Variants in NAA16 observed in about 807,000 individuals in gnomAD.
The protein encoded by NAA16 is NARG1-like protein.
A neutral mutation model predicts 110.3 loss-of-function variants in NAA16; 97 were observed. The observed-to-expected ratio is 0.88, with a 90% CI of 0.75 to 1.04. The LOEUF (loss-of-function observed/expected upper bound fraction) is 1.04. Among genes scored for constraint, NAA16 ranks in the 50% least tolerant of loss-of-function variants. The pLI is 0.00. For missense variants in NAA16, 1,017 were observed against 1,005.1 expected (o/e 1.01, Z -0.16); for synonymous variants, 372 against 330.6 (o/e 1.13, Z -1.36).
At chr13:41,311,821 G>A (rs903357195) in intron 1 of NAA16, among the ~76,000 whole-genome samples, 2 of 152,178 alleles carry the variant, frequency 1.3e-5, no homozygotes, top group Non-Finnish European at 2.9e-5. Flanking sequence ...CACCCCCGCC[G>A]CGCTCTTTCC....
intron 13 of NAA16, 120 bp downstream of exon 13, chr13:41,362,279 C>A (rs561157686): frequency 2.8e-6 from 3 of 1,076,708 alleles, no homozygotes; most frequent in Admixed American, 3.1e-5. Context: ...GAAAAAAATT[C>A]TTGATCTTTA....
intron 5 of NAA16, among the ~76,000 whole-genome samples, chr13:41,323,545 G>T (rs1382243418): frequency 6.6e-6 from 1 of 151,448 alleles, no homozygotes; most frequent in African/African-American, 2.4e-5. Context: ...GTAGAGACAG[G>T]GTTTCACCGT....
chr13:41,371,602 T>G (rs1289901193), intron 15 of NAA16, among the ~76,000 whole-genome samples: 1 of 152,210 alleles, frequency 6.6e-6, no homozygotes, highest in Non-Finnish European at 1.5e-5. Flanking sequence ...TATTTTATTT[T>G]CTATAGCTTA....
chr13:41,319,395 A>G (rs2041888862), intron 3 of NAA16, among the ~76,000 whole-genome samples: 1 of 152,250 alleles, frequency 6.6e-6, no homozygotes, highest in African/African-American at 2.4e-5. Context: ...TTTACTTAAT[A>G]TATAAGTATG....
At chr13:41,356,180 C>G (rs934480156) in intron 10 of NAA16, among the ~76,000 whole-genome samples, 1 of 149,914 alleles carries the variant, frequency 6.7e-6, no homozygotes, top group Admixed American at 6.6e-5. Flanking sequence ...TGCATACGCG[C>G]GCACACGCGG....
chr13:41,333,553 C>A (rs536985901), intron 8 of NAA16, among the ~76,000 whole-genome samples: 2 of 152,200 alleles, frequency 1.3e-5, no homozygotes, highest in East Asian at 3.9e-4. Flanking sequence ...ACTTCTCCTC[C>A]TTTTATTGGT....
intron 4 of NAA16, among the ~76,000 whole-genome samples, chr13:41,322,791 C>G (rs1203465271): frequency 6.6e-6 from 1 of 151,780 alleles, no homozygotes; most frequent in East Asian, 1.9e-4. Context: ...AAAAAAAATT[C>G]TCATTATTTA....
intron 3 of NAA16, among the ~76,000 whole-genome samples, chr13:41,319,895 C>G (rs1189445304): frequency 1.4e-5 from 2 of 147,056 alleles, no homozygotes; most frequent in Non-Finnish European, 3.0e-5. Context: ...GTATGTTTAT[C>G]TGCATTTTTT....
Position 41,317,220 on chromosome 13 carries a change from A to G in NAA16, c.139+290A>G, listed in dbSNP as rs150159815. ...GACCTGATTTCCTTTATTACTTTGA[A>G]TAGAATTTAAAGTTTATACCTTGGT... On this transcript the variant is annotated intron_variant, in intron 2 of 19. Coordinates refer to ENST00000379406, the MANE Select transcript of NAA16 (RefSeq NM_024561.5). Among the ~76,000 whole-genome samples, 3 of 152,280 alleles carry G rather than the reference A, an allele frequency of 2.0e-5. No homozygotes were observed. The East Asian group carries it at 5.8e-4, about 29-fold the overall frequency.
At chr13:41,321,332 T>A (rs2041941859) in intron 4 of NAA16, among the ~76,000 whole-genome samples, 2 of 152,144 alleles carry the variant, frequency 1.3e-5, no homozygotes, top group Non-Finnish European at 2.9e-5. Flanking sequence ...TTTTAAAACA[T>A]TCTTAATTCA....
At chr13:41,343,171 C>T (rs560591606) in intron 9 of NAA16, among the ~76,000 whole-genome samples, 2 of 152,234 alleles carry the variant, frequency 1.3e-5, no homozygotes, top group East Asian at 3.9e-4. Flanking sequence ...ATGGCCCAAT[C>T]GTAGCTCACT....
At chr13:41,339,132 GTTTGT>G (rs763275104) in intron 9 of NAA16, among the ~76,000 whole-genome samples, 17 of 53,946 alleles carry the variant, frequency 3.2e-4, no homozygotes, top group African/African-American at 1.1e-3. Context: ...TGTTGTTGTT[GTTTGT>G]TTGTTTGTTT....
At chr13:41,363,143 C>T (rs1052691605) in intron 13 of NAA16, among the ~76,000 whole-genome samples, 26 of 151,932 alleles carry the variant, frequency 1.7e-4, no homozygotes, top group African/African-American at 5.8e-4. Context: ...AATATAAAGC[C>T]CTTGGGATGA....
At chr13:41,313,041 T>C (rs945526185) in intron 1 of NAA16, among the ~76,000 whole-genome samples, 1 of 152,144 alleles carries the variant, frequency 6.6e-6, no homozygotes, top group African/African-American at 2.4e-5. Flanking sequence ...TATAAATCGC[T>C]AGTTGGATTT....
At chr13:41,351,414 C>T (rs1222165389) in intron 9 of NAA16, among the ~76,000 whole-genome samples, 1 of 152,110 alleles carries the variant, frequency 6.6e-6, no homozygotes, top group Non-Finnish European at 1.5e-5. Context: ...ATATCAGAAC[C>T]TAATTCAGCA....
Position 41,373,628 on chromosome 13 carries a change from T to A in NAA16, c.2156-9T>A. 1 of 1,569,942 alleles carries A rather than the reference T, an allele frequency of 6.4e-7. No individual in the cohort carries two copies. The highest frequency in any genetic ancestry group is 1.2e-5 in the South Asian group (1 of 83,366). Reference sequence around the variant, plus strand: ...AAAACAAAAAATCCAAATGTTTTTGTTTTTATAGTGTCTAATCATAGTAAT... The same window carrying A: ...AAAACAAAAAATCCAAATGTTTTTGATTTTATAGTGTCTAATCATAGTAAT... On this transcript the variant is annotated splice_polypyrimidine_tract_variant and intron_variant, in intron 17 of 19. Transcript: ENST00000379406.
Position 41,336,657 on chromosome 13 carries a change from A to T in NAA16, c.915A>T (p.Arg305Ser), listed in dbSNP as rs376736621. The T allele has an allele frequency of 7.0e-6, 11 of 1,581,758 alleles. No individual in the cohort carries two copies. The highest frequency in any genetic ancestry group is 4.7e-5 in the South Asian group (4 of 85,844). Residue 305 changes from arginine (R) to serine (S), a missense_variant, in exon 9 of 20, where the codon AGA (arginine) becomes AGT (serine). Coordinates refer to ENST00000379406, the MANE Select transcript of NAA16 (RefSeq NM_024561.5). ...RLPLTLVPGE[R>S]FRELMDKFLR... ...GTACGCTTTTGTTTCTAGGTGAAAGATTTAGAGAACTAATGGATAAGTTCC... is the reference window on the plus strand; with the variant it reads ...GTACGCTTTTGTTTCTAGGTGAAAGTTTTAGAGAACTAATGGATAAGTTCC...
At position 41,358,942 on chromosome 13, in the gene NAA16, A is replaced by T; in HGVS notation, c.1390A>T (p.Met464Leu). 6.2e-7 allele frequency: 1 copy of T among 1,609,294 alleles called. No individual in the cohort carries two copies. The highest frequency in any genetic ancestry group is 2.2e-5 in the East Asian group (1 of 44,792). ...AAATATGATAAAAGAAGCAGAGGAA[A>T]TGTGCTCCAAGTTCACAAGGGTAGG... ...RANMIKEAEEMCSKFTREGTS... is the reference protein window; with the variant it reads ...RANMIKEAEELCSKFTREGTS... The change falls in exon 12 of 20, where the codon ATG becomes TTG. Residue 464 changes from methionine to leucine, a missense_variant. Met to Leu is a conservative substitution (Grantham distance 15). Coordinates refer to ENST00000379406, the MANE Select transcript of NAA16 (RefSeq NM_024561.5).
In NAA16 at chr13:41,373,814, T is replaced by C. The variant is rs199608504; in HGVS notation, c.2299+34T>C. 1.0e-4 allele frequency: 157 copies of C among 1,554,368 alleles called. 1 individual carries two copies. The highest frequency in any genetic ancestry group is 6.0e-4 in the African/African-American group (43 of 71,876). On this transcript the variant is annotated intron_variant, in intron 18 of 19. Coordinates refer to ENST00000379406, the MANE Select transcript of NAA16 (RefSeq NM_024561.5). ...GTAGCCCCCAGGGTTAAAATACTTA[T>C]GGAAAAAGCGAACAAAGAGAAAGCT...
Sources: allele counts gnomAD v4.1 joint callset (sites outside exome capture counted in the v4.1 genomes callset), GRCh38; gene constraint gnomAD v4.1.1; transcripts MANE v1.5; gene names NCBI Gene and HGNC (gene_info 2026-07-23, HGNC 2026-07-21).